GLYATL1: variants seen among roughly 807,000 people sequenced by gnomAD.
GLYATL1 encodes the protein glycine N-acyltransferase-like protein 1.
Under a neutral mutation model 20.0 loss-of-function variants are expected in GLYATL1, and 15 were observed. The ratio of observed to expected loss-of-function variants is 0.75; its 90% CI spans 0.50 to 1.15. GLYATL1 has a LOEUF of 1.15. Among genes scored for constraint, GLYATL1 ranks in the 50% most tolerant of loss-of-function variants. The pLI, the probability that GLYATL1 is intolerant of heterozygous loss-of-function variation, is 0.00. For synonymous variants in GLYATL1, 151 were observed against 131.5 expected, an observed-to-expected ratio of 1.15 and a Z score of -1.01; for missense variants, 380 against 368.5, an observed-to-expected ratio of 1.03 and a Z score of -0.26.
chr11:58,943,441 G>C (rs748277208), intron 1 of GLYATL1, 102 bp from the exon 2 acceptor site: 29 of 1,526,662 alleles, frequency 1.9e-5, no homozygotes, highest in Middle Eastern at 1.7e-4. Flanking sequence ...CCGGAGCCTC[G>C]GTGAATCTGC....
intron 1 of GLYATL1, among the ~76,000 whole-genome samples, chr11:58,929,108 C>T (rs1855510903): frequency 6.6e-6 from 1 of 152,180 alleles, no homozygotes; most frequent in African/African-American, 2.4e-5. Flanking sequence ...AATACTTCTG[C>T]CACCATCCTG....
intron 1 of GLYATL1, 156 bp from the exon 2 acceptor site, chr11:58,943,387 T>C: frequency 6.5e-7 from 1 of 1,537,934 alleles, no homozygotes; most frequent in Non-Finnish European, 8.8e-7. Flanking sequence ...TGTACATCAC[T>C]TTACCTTTTT....
At chr11:58,918,458 A>G (rs1254638334) in intron 1 of GLYATL1, among the ~76,000 whole-genome samples, 1 of 152,168 alleles carries the variant, frequency 6.6e-6, no homozygotes, top group East Asian at 1.9e-4. Flanking sequence ...CATAGTAAGT[A>G]TGGTATAGTA....
chr11:58,946,744 G>A lies in GLYATL1; in HGVS notation c.-42-302G>A, dbSNP rs2135218355. 14 of 411,432 alleles carry A rather than the reference G, an allele frequency of 3.4e-5. No individual in the cohort carries two copies. In the South Asian group the frequency reaches 3.5e-4, roughly 10 times the overall value. 25.5% of individuals were successfully genotyped at this position (411,432 alleles called of 1,614,324 possible). A position where few individuals can be genotyped will look rare whatever the true frequency, so the allele number is the denominator to read the frequency against. On this transcript the variant is annotated intron_variant, in intron 2 of 6. Coordinates refer to ENST00000532726, the MANE Select transcript of GLYATL1 (RefSeq NM_001389712.2). ...AAAAACTTATGATGGTAGTGGTGGA[G>A]TGTTCTGTTACAGGCATTTGGGAAG... is the stretch of plus-strand genomic sequence containing the variant.
intron 4 of GLYATL1, 107 bp from the exon 5 acceptor site, chr11:58,954,663 C>T: frequency 8.1e-6 from 8 of 986,386 alleles, no homozygotes; most frequent in Non-Finnish European, 1.2e-5. Flanking sequence ...CATCATGGGC[C>T]ACTGTTAAAA....
chr11:58,911,125 G>C (rs1855029552), downstream of GLYATL1, among the ~76,000 whole-genome samples: 1 of 152,138 alleles, frequency 6.6e-6, no homozygotes, highest in African/African-American at 2.4e-5. Flanking sequence ...TTCCATTTAA[G>C]ATTCATGAGT....
Position 58,939,491 on chromosome 11 carries a change from T to C in GLYATL1, c.-326T>C, listed in dbSNP as rs541258. The C allele has an allele frequency of 0.32, 49,352 of 152,164 alleles. 8,532 individuals are homozygous for C. Among genetic ancestry groups the C allele is most frequent in the Non-Finnish European group, 0.39 (26,484 of 68,012 alleles). 9.4% of individuals were successfully genotyped at this position (152,164 alleles called of 1,614,324 possible). Reference sequence around the variant, plus strand: ...CCCGACCAGGAACACTTTGGCTCAGTTGCCATGGGCCAGGAGTCTCACAGA... The same window carrying C: ...CCCGACCAGGAACACTTTGGCTCAGCTGCCATGGGCCAGGAGTCTCACAGA... On this transcript the variant is annotated 5_prime_UTR_variant, in exon 1 of 7. Coordinates refer to ENST00000532726, the MANE Select transcript of GLYATL1 (RefSeq NM_001389712.2).
intron 2 of GLYATL1, among the ~76,000 whole-genome samples, 155 bp downstream of exon 2, chr11:58,943,821 G>T (rs1856360075): frequency 6.6e-6 from 1 of 152,202 alleles, no homozygotes; most frequent in African/African-American, 2.4e-5. Flanking sequence ...AACTGGCCTG[G>T]ATCCAGTTAG....
At chr11:58,943,430 C>G in intron 1 of GLYATL1, 113 bp from the exon 2 acceptor site, 1 of 1,525,624 alleles carries the variant, frequency 6.6e-7, no homozygotes, top group Non-Finnish European at 8.8e-7. Flanking sequence ...ACGAGGCACC[C>G]CCGGAGCCTC....
At chr11:58,919,436 G>A (rs1395370847) in intron 1 of GLYATL1, among the ~76,000 whole-genome samples, 4 of 152,162 alleles carry the variant, frequency 2.6e-5, no homozygotes, top group Non-Finnish European at 5.9e-5. Flanking sequence ...CTCTGTGGCC[G>A]GTAGGCTGTG....
At position 58,941,103 on chromosome 11, in the gene GLYATL1, A is replaced by C. The variant is rs972502168; in HGVS notation, c.-167+1453A>C. ...TGTGCACAATGTGCAGGTTAGTTAC[A>C]TATGTATACATGTGCCATGCTGGTG... On this transcript the variant is annotated intron_variant, in intron 1 of 6. Coordinates refer to ENST00000532726, the MANE Select transcript of GLYATL1 (RefSeq NM_001389712.2). Among the ~76,000 whole-genome samples, 19 of 151,862 alleles carry C rather than the reference A, an allele frequency of 1.3e-4. No homozygotes were observed. The South Asian group carries it at 3.8e-3, about 30-fold the overall frequency.
chr11:58,938,546 T>A (rs1436812364), upstream of GLYATL1, among the ~76,000 whole-genome samples: 1 of 152,230 alleles, frequency 6.6e-6, no homozygotes, highest in African/African-American at 2.4e-5. Context: ...CACTTATGAC[T>A]AATACTGAGT....
downstream of GLYATL1, among the ~76,000 whole-genome samples, chr11:58,910,595 T>C (rs993530427): frequency 1.3e-5 from 2 of 152,132 alleles, no homozygotes; most frequent in African/African-American, 4.8e-5. Flanking sequence ...CATCCACTTA[T>C]AGAACAGAAC....
rs555667602 is a variant in GLYATL1 at position 58,906,945 on chromosome 11, G to C, written n.239-296G>C. Among the ~76,000 whole-genome samples the C allele has an allele frequency of 2.0e-5, 3 of 152,314 alleles. No homozygotes were observed. The South Asian group carries it at 6.2e-4, about 32-fold the overall frequency. On this transcript the variant is annotated intron_variant and non_coding_transcript_variant, in intron 1 of 1. Transcript: ENST00000524629. ...ACCCCGACATACTGAATCAGAGTCT[G>C]TGAAGGTGGGATGTGGAATCCTTTT...
chr11:58,931,863 A>G (rs1477485357), intron 1 of GLYATL1, among the ~76,000 whole-genome samples: 1 of 152,084 alleles, frequency 6.6e-6, no homozygotes. Flanking sequence ...AATTTGCAAA[A>G]CACTTTGGAA....
chr11:58,955,413 C>T, intron 6 of GLYATL1, 60 bp downstream of exon 6: 3 of 1,496,408 alleles, frequency 2.0e-6, no homozygotes, highest in Non-Finnish European at 2.7e-6. Flanking sequence ...TTGTAATTCA[C>T]ATAAATCAGT....
At chr11:58,936,761 T>C (rs1855855331), upstream of GLYATL1, among the ~76,000 whole-genome samples, 1 of 152,208 alleles carries the variant, frequency 6.6e-6, no homozygotes, top group East Asian at 1.9e-4. Flanking sequence ...TCAGAGAGCT[T>C]TAAAATGTTC....
chr11:58,939,031 C>T, upstream of GLYATL1, among the ~76,000 whole-genome samples: 1 of 151,356 alleles, frequency 6.6e-6, no homozygotes, highest in Non-Finnish European at 1.5e-5. Flanking sequence ...CCCCTGTAGT[C>T]CCATAGAGAA....
upstream of GLYATL1, among the ~76,000 whole-genome samples, chr11:58,922,859 G>A (rs576705960): frequency 6.6e-6 from 1 of 152,288 alleles, no homozygotes; most frequent in South Asian, 2.1e-4. Flanking sequence ...TGCCCTGACT[G>A]TCCTCCAACC....
Sources: allele counts gnomAD v4.1 joint callset (sites outside exome capture counted in the v4.1 genomes callset), GRCh38; gene constraint gnomAD v4.1.1; transcripts MANE v1.5; gene names NCBI Gene and HGNC (gene_info 2026-07-23, HGNC 2026-07-21).